The following SPTBN5 variants were observed in gnomAD, a reference collection of about 807,000 sequenced individuals.
The protein encoded by SPTBN5 is spectrin beta, non-erythrocytic 5.
A neutral mutation model predicts 477.6 loss-of-function variants in SPTBN5; 513 were observed. The observed-to-expected ratio is 1.07, with a 90% CI of 1.00 to 1.16. The LOEUF is 1.16. Ranked by LOEUF, SPTBN5 falls within the 50% of genes most tolerant of loss-of-function variation. The probability of loss-of-function intolerance (pLI) is 0.00; values close to 1 mark genes in which losing one functional copy is unlikely to be tolerated. For synonymous variants in SPTBN5, 2,169 were observed against 2,011.7 expected, an observed-to-expected ratio of 1.08 and a Z score of -2.09; for missense variants, 5,062 against 4,731.8, an observed-to-expected ratio of 1.07 and a Z score of -2.05.
In SPTBN5 at chr15:41,855,308, C is replaced by T; in HGVS notation, c.9339G>A (p.Glu3113=). Residue 3113 remains glutamate (E), a synonymous_variant, in exon 55 of 68, where the codon GAG becomes GAA. Coordinates refer to ENST00000320955, the MANE Select transcript of SPTBN5 (RefSeq NM_016642.4). ...EQLQLHQLER[E]TLLLDAWLTT... ...TCAGCCAGGCGTCGAGGAGCAGGGT[C>T]TCTCGCTCCAGCTGGTGTAGCTGCA... The T allele has an allele frequency of 1.9e-6, 3 of 1,611,030 alleles. No individual in the cohort carries two copies. Among genetic ancestry groups the T allele is most frequent in the Non-Finnish European group, 2.5e-6 (3 of 1,179,782 alleles).
chr15:41,852,692 T>C lies in SPTBN5; in HGVS notation c.10391A>G (p.Asp3464Gly), dbSNP rs761421544. The change falls in exon 61 of 68, where the codon GAC (aspartate) becomes GGC (glycine). Residue 3464 changes from aspartate to glycine, a missense_variant. By Grantham distance (94) the Asp-to-Gly change is moderately conservative. Transcript: ENST00000320955. ...DVELLLHRHQ[D>G]LEKLLAAQEE... ...CTGGGCTGCCAGCAGCTTTTCTAAG[T>C]CCTGGTGTCTGTGCAGCAGCAACTC... The C allele has an allele frequency of 5.0e-6, 8 of 1,613,422 alleles. No individual in the cohort carries two copies. The highest frequency in any genetic ancestry group is 6.8e-6 in the Non-Finnish European group (8 of 1,179,838).
In SPTBN5 at chr15:41,878,779, T is replaced by C. The variant is rs1029775476; in HGVS notation, c.3183-150A>G. On this transcript the variant is annotated intron_variant, in intron 16 of 67. Transcript: ENST00000320955. ...CCTTGACCTGGGGGCAGCAAGAACA[T>C]AGGGCTCGCCAGGTGCAGTGGCTCA... The C allele has an allele frequency of 5.7e-5, 51 of 899,954 alleles. No individual in the cohort carries two copies. In the African/African-American group the frequency reaches 6.6e-4, roughly 12 times the overall value. The allele number at this position is 899,954 out of a possible 1,614,324, so 55.7% of individuals were successfully genotyped here.
rs761932649 is a variant in SPTBN5, at chr15:41,881,988, C to G, written c.2405G>C (p.Arg802Pro). The G allele has an allele frequency of 6.5e-7, 1 of 1,537,576 alleles. No individual in the cohort carries two copies. The highest frequency in any genetic ancestry group is 1.2e-5 in the South Asian group (1 of 84,440). ...RVLRAFAAELRRLEEQGRAAS... is the reference protein window; with the variant it reads ...RVLRAFAAELPRLEEQGRAAS... ...CGCCCGCCCCTGCTCCTCCAGCCGC[C>G]GCAGCTCGGCCGCGAAGGCGCGCAG... Residue 802 changes from arginine (R) to proline (P), a missense_variant, in exon 12 of 68, where the codon CGG becomes CCG. Coordinates refer to ENST00000320955, the MANE Select transcript of SPTBN5 (RefSeq NM_016642.4).
rs750906705 is a variant in SPTBN5, at chr15:41,880,240, A to T, written c.2731T>A (p.Trp911Arg). ...AGCAGCACTGTCTGCTTCTCCAGCCACAACTGGAGCTCCCCACAGGAACTG... is the reference window on the plus strand; with the variant it reads ...AGCAGCACTGTCTGCTTCTCCAGCCTCAACTGGAGCTCCCCACAGGAACTG... ...FCSSCGELQL[W>R]LEKQTVLLQR... Residue 911 changes from tryptophan (W) to arginine (R), a missense_variant, in exon 14 of 68, where the codon TGG (tryptophan) becomes AGG (arginine). Coordinates refer to ENST00000320955, the MANE Select transcript of SPTBN5 (RefSeq NM_016642.4). The T allele has an allele frequency of 1.2e-5, 20 of 1,606,846 alleles. No homozygotes were observed. Among genetic ancestry groups the T allele is most frequent in the Non-Finnish European group, 1.6e-5 (19 of 1,177,160 alleles).
rs1435851308 is a variant in SPTBN5, at chr15:41,876,150, T to C, written c.4086A>G (p.Leu1362=). ...LKRHEAAESE[L]LATRRHVEAL... is the part of the protein sequence containing the mutation. ...CCTCCACGTGTCTGCGGGTGGCGAG[T>C]AGCTCGCTCTCAGCTGCTTCGTGCC... The change falls in exon 21 of 68, where the codon CTA becomes CTG. Residue 1362 remains leucine (L), a synonymous_variant. Coordinates refer to ENST00000320955, the MANE Select transcript of SPTBN5 (RefSeq NM_016642.4). 6.2e-7 allele frequency: 1 copy of C among 1,603,852 alleles called. No homozygotes were observed. Among genetic ancestry groups the C allele is most frequent in the Non-Finnish European group, 8.5e-7 (1 of 1,179,284 alleles).
chr15:41,854,676 C>G, intron 56 of SPTBN5, 106 bp downstream of exon 56: 1 of 980,980 alleles, frequency 1.0e-6, no homozygotes. Context: ...TTGAGGCCAG[C>G]AGGGTGTGTG....
intron 28 of SPTBN5, 53 bp downstream of exon 28, chr15:41,871,729 A>T: frequency 6.9e-7 from 1 of 1,451,012 alleles, no homozygotes; most frequent in South Asian, 1.5e-5. Flanking sequence ...CAGCTTCCCC[A>T]CCCCATAGGC....
rs1455684471 is a variant in SPTBN5, at chr15:41,856,992, T to C, written c.8669A>G (p.Glu2890Gly). Residue 2890 changes from glutamate (E) to glycine (G), a missense_variant, in exon 52 of 68, where the codon GAG becomes GGG. Physicochemically the swap from Glu to Gly is moderately conservative, Grantham distance 98 (BLOSUM62 -2). Coordinates refer to ENST00000320955, the MANE Select transcript of SPTBN5 (RefSeq NM_016642.4). ...GAACTTCAAGAGGAGGCTCCGGGCC[T>C]CCAGGGCCGTCCTGCGCTCCTGCAG... The part of the protein sequence containing the change: ...EPLQERRTAL[E>G]ARSLLLKFFR... The C allele has an allele frequency of 1.9e-6, 3 of 1,603,670 alleles. No homozygotes were observed. The highest frequency in any genetic ancestry group is 2.6e-6 in the Non-Finnish European group (3 of 1,175,948).
At position 41,849,989 on chromosome 15, in the gene SPTBN5, C is replaced by T. The variant is rs771602802; in HGVS notation, c.10922-30G>A. ...AGAGCAAGGGAATAACCACTGTTAGCCCGGCCCAGACCATCTGCAGGCGCC... is the reference window on the plus strand; with the variant it reads ...AGAGCAAGGGAATAACCACTGTTAGTCCGGCCCAGACCATCTGCAGGCGCC... On this transcript the variant is annotated intron_variant, in intron 66 of 67. Transcript: ENST00000320955. 5 of 1,543,040 alleles carry T rather than the reference C, an allele frequency of 3.2e-6. No individual in the cohort carries two copies. In the African/African-American group the frequency reaches 4.1e-5, roughly 13 times the overall value.
intron 51 of SPTBN5, 87 bp from the exon 52 acceptor site, chr15:41,857,126 G>A (rs959922666): frequency 1.4e-5 from 21 of 1,514,144 alleles, no homozygotes; most frequent in Non-Finnish European, 1.7e-5. Flanking sequence ...ACCCAGCTGT[G>A]GCCCTCACCA....
rs372651861 is a variant in SPTBN5, at chr15:41,848,696, A to G, written c.11013-68T>C. On this transcript the variant is annotated intron_variant, in intron 67 of 67. Transcript: ENST00000320955. ...CAGAATCTTCTCCAAACAAACACAC[A>G]CTGGTGCCCCTGCCCTCCCCTGGAC... 14 of 1,577,668 alleles carry G rather than the reference A, an allele frequency of 8.9e-6. No homozygotes were observed. The African/African-American group carries it at 1.6e-4, about 18-fold the overall frequency.
At position 41,848,526 on chromosome 15, in the gene SPTBN5, G is replaced by T; in HGVS notation, c.*90C>A. On this transcript the variant is annotated 3_prime_UTR_variant, in exon 68 of 68. Coordinates refer to ENST00000320955, the MANE Select transcript of SPTBN5 (RefSeq NM_016642.4). Reference sequence around the variant, plus strand: ...TGGGTTGAAGCAGCCACGGGAAGGAGCCCTTTTGCCTGTAGCTGAGTCTTA... The same window carrying T: ...TGGGTTGAAGCAGCCACGGGAAGGATCCCTTTTGCCTGTAGCTGAGTCTTA... The T allele has an allele frequency of 6.7e-7, 1 of 1,494,172 alleles. No homozygotes were observed. The highest frequency in any genetic ancestry group is 9.3e-7 in the Non-Finnish European group (1 of 1,071,084). 92.6% of individuals were successfully genotyped at this position (1,494,172 alleles called of 1,614,324 possible).
chr15:41,879,146 C>T (rs1370809346), intron 16 of SPTBN5, 114 bp downstream of exon 16: 13 of 1,302,082 alleles, frequency 1.0e-5, no homozygotes, highest in Non-Finnish European at 1.4e-5. Context: ...TGCCACAGCC[C>T]TCCTACCTGT....
At chr15:41,885,637 T>C in intron 7 of SPTBN5, 98 bp downstream of exon 7, 2 of 1,408,294 alleles carry the variant, frequency 1.4e-6, no homozygotes, top group Non-Finnish European at 1.9e-6. Flanking sequence ...ATCATCCCTC[T>C]CCTCTCTGGC....
At chr15:41,867,962 T>G in intron 34 of SPTBN5, 107 bp downstream of exon 34, 2 of 1,383,434 alleles carry the variant, frequency 1.4e-6, no homozygotes, top group Non-Finnish European at 1.9e-6. Context: ...AGCTGCCTCA[T>G]ATTAGAGAAA....
At chr15:41,852,772 G>GGGC in intron 60 of SPTBN5, 37 bp from the exon 61 acceptor site, 10 of 1,582,930 alleles carry the variant, frequency 6.3e-6, no homozygotes, top group South Asian at 2.2e-5. Flanking sequence ...CCCAGCTTGG[G>GGGC]GGGGGGGGCC....
At chr15:41,873,738 G>A in intron 25 of SPTBN5, 107 bp downstream of exon 25, 1 of 1,516,318 alleles carries the variant, frequency 6.6e-7, no homozygotes, top group Non-Finnish European at 9.0e-7. Context: ...TCAGCTCCCA[G>A]CCCAGAGCCC....
In SPTBN5 at chr15:41,861,066, G is replaced by A. The variant is rs185215759; in HGVS notation, c.7816-308C>T. Among the ~76,000 whole-genome samples the A allele has an allele frequency of 2.6e-5, 4 of 152,388 alleles. No individual in the cohort carries two copies. In the East Asian group the frequency reaches 5.8e-4, roughly 22 times the overall value. ...TGTTAGTCCCCAGTTATCCTCTGAG[G>A]TCTCCTATAAGTTACACTCGTCTGC... is the stretch of plus-strand genomic sequence containing the variant. On this transcript the variant is annotated intron_variant, in intron 46 of 67. Transcript: ENST00000320955.
At position 41,868,093 on chromosome 15, in the gene SPTBN5, C is replaced by T. The variant is rs1201866022; in HGVS notation, c.6183G>A (p.Leu2061=). Reference sequence around the variant, plus strand: ...CCTCCTGGGCCGCGAGGATCTCCTCCAGGCGGCCGCACTCTCTGAGGAAGA... The same window carrying T: ...CCTCCTGGGCCGCGAGGATCTCCTCTAGGCGGCCGCACTCTCTGAGGAAGA... ...EQLFLRECGR[L]EEILAAQEVS... Residue 2061 remains leucine (L), a synonymous_variant, in exon 34 of 68, where the codon CTG becomes CTA. Coordinates refer to ENST00000320955, the MANE Select transcript of SPTBN5 (RefSeq NM_016642.4). 1 of 1,603,604 alleles carries T rather than the reference C, an allele frequency of 6.2e-7. No individual in the cohort carries two copies. Among genetic ancestry groups the T allele is most frequent in the Admixed American group, 1.7e-5 (1 of 59,098 alleles).
Sources: allele counts gnomAD v4.1 joint callset (sites outside exome capture counted in the v4.1 genomes callset), GRCh38; gene constraint gnomAD v4.1.1; transcripts MANE v1.5; gene names NCBI Gene and HGNC (gene_info 2026-07-23, HGNC 2026-07-21).